Variants in CHSY3 observed in about 807,000 individuals in gnomAD.
CHSY3 encodes chondroitin sulfate synthase 3, also known as N-acetylgalactosaminyl-proteoglycan 3-beta-glucuronosyltransferase 3.
A neutral mutation model predicts 67.2 loss-of-function variants in CHSY3; 35 were observed. The observed-to-expected ratio is 0.52, with a 90% CI of 0.40 to 0.69. CHSY3 has a LOEUF of 0.69. Among genes scored for constraint, CHSY3 ranks in the 30% least tolerant of loss-of-function variants. The probability of loss-of-function intolerance (pLI) is 0.00; values close to 1 mark genes in which losing one functional copy is unlikely to be tolerated. For missense variants in CHSY3, 1,069 were observed against 1,138.5 expected, an observed-to-expected ratio of 0.94 and a Z score of 0.88; for synonymous variants, 474 against 434.7, an observed-to-expected ratio of 1.09 and a Z score of -1.12.
chr5:130,130,752 A>C (rs1030944860), intron 2 of CHSY3, among the ~76,000 whole-genome samples: 1 of 151,648 alleles, frequency 6.6e-6, no homozygotes, highest in African/African-American at 2.4e-5. Flanking sequence ...TACTGCCTTT[A>C]CTCCCTCAGG....
intron 2 of CHSY3, among the ~76,000 whole-genome samples, chr5:130,148,318 A>G (rs75287478): frequency 6.6e-6 from 1 of 152,252 alleles, no homozygotes; most frequent in African/African-American, 2.4e-5. Context: ...CTTAGGATTG[A>G]TTCCATGTCT....
At chr5:130,177,233 G>A (rs1225669261) in intron 2 of CHSY3, among the ~76,000 whole-genome samples, 13 of 150,894 alleles carry the variant, frequency 8.6e-5, no homozygotes, top group African/African-American at 2.4e-4. Context: ...GTGTGTGTGT[G>A]TATATATATA....
At chr5:129,925,878 TGTG>T (rs1185186175) in intron 2 of CHSY3, among the ~76,000 whole-genome samples, 1 of 114,348 alleles carries the variant, frequency 8.7e-6, no homozygotes, top group Non-Finnish European at 2.1e-5. Flanking sequence ...CTTATACTAA[TGTG>T]TGTGTATATA....
chr5:130,000,732 CTTTTT>C (rs71000946), intron 2 of CHSY3, among the ~76,000 whole-genome samples: 1 of 76,450 alleles, frequency 1.3e-5, no homozygotes, highest in African/African-American at 5.2e-5. Flanking sequence ...AACTTTTCTT[CTTTTT>C]TTTTTTTTTT....
chr5:130,121,349 G>A (rs985606126), intron 2 of CHSY3, among the ~76,000 whole-genome samples: 1 of 152,156 alleles, frequency 6.6e-6, no homozygotes, highest in Non-Finnish European at 1.5e-5. Flanking sequence ...ACACACTAGA[G>A]ACCTAGAAAT....
At chr5:130,099,226 G>C (rs553919181) in intron 2 of CHSY3, among the ~76,000 whole-genome samples, 1 of 152,212 alleles carries the variant, frequency 6.6e-6, no homozygotes, top group Admixed American at 6.5e-5. Flanking sequence ...GAATAATTAC[G>C]TGGAAGTTGT....
At chr5:130,111,471 A>T (rs1252895790) in intron 2 of CHSY3, among the ~76,000 whole-genome samples, 1 of 152,124 alleles carries the variant, frequency 6.6e-6, no homozygotes, top group East Asian at 1.9e-4. Flanking sequence ...GCCCGATTTT[A>T]AAAAGCTCTA....
intron 2 of CHSY3, among the ~76,000 whole-genome samples, chr5:130,108,336 A>C (rs1320909340): frequency 6.6e-6 from 1 of 151,722 alleles, no homozygotes; most frequent in African/African-American, 2.4e-5. Context: ...CTCCTGCGTT[A>C]GTGTTTTATA....
At chr5:129,948,861 A>G (rs994466583) in intron 2 of CHSY3, among the ~76,000 whole-genome samples, 3 of 152,024 alleles carry the variant, frequency 2.0e-5, no homozygotes, top group African/African-American at 7.2e-5. Flanking sequence ...TTTTTTTATT[A>G]TGGCCATTCT....
chr5:130,099,992 A>C (rs1240505007), intron 2 of CHSY3, among the ~76,000 whole-genome samples: 3 of 141,646 alleles, frequency 2.1e-5, no homozygotes. Context: ...TGTAGTGACT[A>C]CAAAAAAAAA....
Position 129,904,951 on chromosome 5 carries a change from G to A in CHSY3, c.122G>A (p.Gly41Asp), listed in dbSNP as rs1385789971. The change falls in exon 1 of 3, where the codon GGC (glycine) becomes GAC (aspartate). Residue 41 changes from glycine (G) to aspartate (D), a missense_variant. By Grantham distance (94) the Gly-to-Asp change is moderately conservative. Coordinates refer to ENST00000305031, the MANE Select transcript of CHSY3 (RefSeq NM_175856.5). Reference sequence around the variant, plus strand: ...GAGCTGAGCGAGAGGAAGAGACGTGGCTCCAGCCTCTGCTCCTACTACGGT... The same window carrying A: ...GAGCTGAGCGAGAGGAAGAGACGTGACTCCAGCCTCTGCTCCTACTACGGT... ...VAELSERKRR[G>D]SSLCSYYGRS... 5 of 1,558,672 alleles carry A rather than the reference G, an allele frequency of 3.2e-6. No individual in the cohort carries two copies. In the South Asian group the frequency reaches 5.9e-5, roughly 18 times the overall value.
intron 2 of CHSY3, among the ~76,000 whole-genome samples, chr5:130,077,366 T>C (rs532224621): frequency 6.6e-6 from 1 of 152,218 alleles, no homozygotes; most frequent in East Asian, 1.9e-4. Flanking sequence ...CTGGATACCA[T>C]AACATGACTA....
chr5:130,140,281 C>T, intron 2 of CHSY3: 1 of 394,112 alleles, frequency 2.5e-6, no homozygotes, highest in Non-Finnish European at 4.5e-6. Context: ...TACTGTTGTC[C>T]AGTCTAATAT....
intron 2 of CHSY3, among the ~76,000 whole-genome samples, chr5:130,154,018 G>A (rs1214472837): frequency 6.6e-6 from 1 of 152,072 alleles, no homozygotes; most frequent in African/African-American, 2.4e-5. Context: ...TCAGTTTCAA[G>A]TGATTCTCCA....
chr5:129,937,361 A>G (rs1396945439), intron 2 of CHSY3, among the ~76,000 whole-genome samples: 1 of 152,160 alleles, frequency 6.6e-6, no homozygotes, highest in Non-Finnish European at 1.5e-5. Flanking sequence ...GGAGACAGCA[A>G]GGGGGAAGTC....
At chr5:130,066,258 A>T (rs1367611837) in intron 2 of CHSY3, among the ~76,000 whole-genome samples, 1 of 152,082 alleles carries the variant, frequency 6.6e-6, no homozygotes, top group Non-Finnish European at 1.5e-5. Context: ...GCACACAACT[A>T]TGCTGGGTAT....
At chr5:130,178,227 T>TTTTA (rs1229158340) in intron 2 of CHSY3, among the ~76,000 whole-genome samples, 5 of 65,822 alleles carry the variant, frequency 7.6e-5, no homozygotes, top group Admixed American at 2.5e-4. Flanking sequence ...ATATTTATAT[T>TTTTA]TATATATATA....
intron 2 of CHSY3, among the ~76,000 whole-genome samples, chr5:129,917,395 C>G (rs1760763651): frequency 1.3e-5 from 2 of 152,186 alleles, no homozygotes; most frequent in Admixed American, 1.3e-4. Context: ...ACAGTGCTTA[C>G]TCACTAGAGC....
At chr5:129,929,104 T>C (rs1232382312) in intron 2 of CHSY3, among the ~76,000 whole-genome samples, 3 of 152,174 alleles carry the variant, frequency 2.0e-5, no homozygotes, top group Non-Finnish European at 4.4e-5. Flanking sequence ...AGTTCAAGTA[T>C]ATATAATATA....
Sources: gnomAD v4.1 joint callset for allele counts (sites outside exome capture counted in the v4.1 genomes callset) on GRCh38, gnomAD v4.1.1 for gene constraint, MANE v1.5 for transcripts, NCBI Gene and HGNC (gene_info 2026-07-23, HGNC 2026-07-21) for gene names.